NRXN3: variants seen among roughly 807,000 people sequenced by gnomAD.
The protein encoded by NRXN3 is neurexin 3, also known as neurexin III.
Under a neutral mutation model 137.6 loss-of-function variants are expected in NRXN3, and 32 were observed. The ratio of observed to expected loss-of-function variants is 0.23; its 90% CI spans 0.18 to 0.31. NRXN3 has a LOEUF of 0.31. Among genes scored for constraint, NRXN3 ranks in the 10% least tolerant of loss-of-function variants. The pLI, the probability that NRXN3 is intolerant of heterozygous loss-of-function variation, is 1.00. For synonymous variants in NRXN3, 798 were observed against 784.5 expected, an observed-to-expected ratio of 1.02 and a Z score of -0.29; for missense variants, 1,574 against 2,062.5, an observed-to-expected ratio of 0.76 and a Z score of 4.59.
At chr14:79,274,713 T>C (rs1009393004) in intron 15 of NRXN3, among the ~76,000 whole-genome samples, 3 of 152,228 alleles carry the variant, frequency 2.0e-5, no homozygotes, top group Non-Finnish European at 4.4e-5. Context: ...TCATATTTTT[T>C]TAATCCTTAA....
At chr14:78,461,966 T>A (rs947425970) in intron 4 of NRXN3, among the ~76,000 whole-genome samples, 1 of 152,234 alleles carries the variant, frequency 6.6e-6, no homozygotes, top group Non-Finnish European at 1.5e-5. Flanking sequence ...TAAAGGGAAC[T>A]GGTTCCCAAC....
intron 19 of NRXN3, among the ~76,000 whole-genome samples, chr14:79,708,572 A>C (rs1179432906): frequency 6.6e-6 from 1 of 151,726 alleles, no homozygotes; most frequent in African/African-American, 2.4e-5. Context: ...AGCAATCGTC[A>C]CTTGCCAGGC....
At chr14:78,843,841 G>A (rs948195381) in intron 10 of NRXN3, among the ~76,000 whole-genome samples, 2 of 152,082 alleles carry the variant, frequency 1.3e-5, no homozygotes, top group East Asian at 3.9e-4. Context: ...CTGGCCCCAA[G>A]TCTGCATTGA....
rs58746209 is a variant in NRXN3 at position 79,331,840 on chromosome 14, C to CTGTGTG, written c.3263-135354_3263-135349dup. Among the ~76,000 whole-genome samples the CTGTGTG allele has an allele frequency of 7.5e-3, 1,113 of 148,826 alleles. 6 individuals are homozygous for CTGTGTG. The highest frequency in any genetic ancestry group is 0.03 in the South Asian group (139 of 4,708). On this transcript the variant is annotated intron_variant, in intron 15 of 20. Transcript: ENST00000335750. ...TTTAAAGTTTTAATTAAGGCTTTTG[C>CTGTGTG]TGTGTGTGTGTGTGTGTGTGTGTGT... is the stretch of plus-strand genomic sequence containing the variant.
intron 19 of NRXN3, among the ~76,000 whole-genome samples, chr14:79,795,199 C>T (rs2099157532): frequency 6.6e-6 from 1 of 152,190 alleles, no homozygotes; most frequent in Admixed American, 6.5e-5. Flanking sequence ...TCTCTTTCCA[C>T]ATAGAAGTTC....
At chr14:79,647,050 C>T (rs1169836802) in intron 16 of NRXN3, among the ~76,000 whole-genome samples, 1 of 135,714 alleles carries the variant, frequency 7.4e-6, no homozygotes, top group East Asian at 2.0e-4. Flanking sequence ...TCCAACTCCA[C>T]AAGCAGTAAA....
chr14:79,060,975 G>A (rs1313495757), intron 15 of NRXN3, among the ~76,000 whole-genome samples: 2 of 152,178 alleles, frequency 1.3e-5, no homozygotes, highest in African/African-American at 4.8e-5. Flanking sequence ...CTCAGGCCTT[G>A]TTGGTCTCTC....
intron 4 of NRXN3, among the ~76,000 whole-genome samples, chr14:78,490,164 C>T (rs920695647): frequency 1.4e-5 from 2 of 145,684 alleles, no homozygotes. Flanking sequence ...CCACCCACCT[C>T]GGCCTCCGAA....
At chr14:79,317,890 C>T (rs1346444842) in intron 15 of NRXN3, among the ~76,000 whole-genome samples, 1 of 151,824 alleles carries the variant, frequency 6.6e-6, no homozygotes, top group Non-Finnish European at 1.5e-5. Flanking sequence ...GGGCTGAATC[C>T]ACAGAAAGTT....
At chr14:78,693,768 T>C (rs1418685545) in intron 6 of NRXN3, among the ~76,000 whole-genome samples, 1 of 150,230 alleles carries the variant, frequency 6.7e-6, no homozygotes, top group Non-Finnish European at 1.5e-5. Flanking sequence ...ATCTTTTATA[T>C]AATACCAACC....
intron 16 of NRXN3, among the ~76,000 whole-genome samples, chr14:79,562,813 TA>T (rs1375381867): frequency 2.0e-5 from 3 of 152,126 alleles, no homozygotes; most frequent in South Asian, 2.1e-4. Context: ...ACTGTACAAA[TA>T]AAAAAATGAA....
chr14:79,626,275 G>A (rs2098280523), intron 16 of NRXN3, among the ~76,000 whole-genome samples: 1 of 151,728 alleles, frequency 6.6e-6, no homozygotes, highest in Non-Finnish European at 1.5e-5. Flanking sequence ...CCCAAGAAGA[G>A]CCAGAGCTAG....
intron 15 of NRXN3, among the ~76,000 whole-genome samples, chr14:79,075,164 T>C (rs551102815): frequency 5.3e-5 from 8 of 152,226 alleles, no homozygotes; most frequent in Non-Finnish European, 1.2e-4. Context: ...GCATTTGATT[T>C]TTGCTTCAGG....
chr14:79,418,319 G>A (rs1181094963), intron 15 of NRXN3, among the ~76,000 whole-genome samples: 5 of 152,088 alleles, frequency 3.3e-5, no homozygotes, highest in African/African-American at 7.2e-5. Context: ...GTAATTTCAG[G>A]TTAGGTATAC....
intron 4 of NRXN3, among the ~76,000 whole-genome samples, chr14:78,301,360 GC>G (rs1465606460): frequency 6.6e-6 from 1 of 152,152 alleles, no homozygotes; most frequent in Non-Finnish European, 1.5e-5. Context: ...CCAGCCTTTT[GC>G]CAGGTAGGCA....
intron 19 of NRXN3, among the ~76,000 whole-genome samples, chr14:79,700,869 T>G (rs1480340920): frequency 6.6e-6 from 1 of 152,098 alleles, no homozygotes; most frequent in Non-Finnish European, 1.5e-5. Flanking sequence ...CATCAGGTCT[T>G]GATCCTACAT....
At chr14:78,341,760 T>A (rs576374449) in intron 4 of NRXN3, among the ~76,000 whole-genome samples, 1 of 152,340 alleles carries the variant, frequency 6.6e-6, no homozygotes, top group East Asian at 1.9e-4. Context: ...CTCGTAATTA[T>A]TCAGATCTTC....
At chr14:79,532,168 C>T (rs2153721430) in intron 16 of NRXN3, among the ~76,000 whole-genome samples, 1 of 152,188 alleles carries the variant, frequency 6.6e-6, no homozygotes. Flanking sequence ...GATAGAGTGC[C>T]AACCCACATT....
intron 4 of NRXN3, among the ~76,000 whole-genome samples, chr14:78,631,620 A>T (rs952532440): frequency 6.6e-6 from 1 of 152,228 alleles, no homozygotes; most frequent in Non-Finnish European, 1.5e-5. Context: ...GAGAGGCTTA[A>T]TACTCTCAGT....
Sources: allele counts gnomAD v4.1 joint callset (sites outside exome capture counted in the v4.1 genomes callset), GRCh38; gene constraint gnomAD v4.1.1; transcripts MANE v1.5; gene names NCBI Gene and HGNC (gene_info 2026-07-23, HGNC 2026-07-21).